PANX1: variants seen among roughly 807,000 people sequenced by gnomAD.
PANX1 encodes the protein pannexin-1.
Under a neutral mutation model 38.7 loss-of-function variants are expected in PANX1, and 30 were observed. The observed-to-expected ratio is 0.78, with a 90% confidence interval of 0.58 to 1.05. The LOEUF is 1.05. Among genes scored for constraint, PANX1 ranks in the 50% least tolerant of loss-of-function variants. The pLI, the probability that PANX1 is intolerant of heterozygous loss-of-function variation, is 0.00. For missense variants in PANX1, 551 were observed against 517.2 expected (o/e 1.07, Z -0.63); for synonymous variants, 230 against 212.2 (o/e 1.08, Z -0.73).
At chr11:94,130,019 T>A (rs1341537497) in intron 1 of PANX1, among the ~76,000 whole-genome samples, 3 of 152,220 alleles carry the variant, frequency 2.0e-5, no homozygotes, top group African/African-American at 7.2e-5. Context: ...TTGGCAGGCA[T>A]TAGAGGGATC....
chr11:94,139,370 C>T (rs960432233), intron 1 of PANX1, among the ~76,000 whole-genome samples: 1 of 152,200 alleles, frequency 6.6e-6, no homozygotes, highest in Admixed American at 6.5e-5. Flanking sequence ...TTAAAAGGCT[C>T]TTGAATTATA....
At position 94,178,561 on chromosome 11, in the gene PANX1, G is replaced by A. The variant is rs1299708596; in HGVS notation, c.514G>A (p.Val172Ile). The A allele has an allele frequency of 5.6e-6, 9 of 1,614,058 alleles. No homozygotes were observed. Among genetic ancestry groups the A allele is most frequent in the Non-Finnish European group, 7.6e-6 (9 of 1,179,930 alleles). ...DLDMRDGACSVPGVTENLGQS... is the reference protein window; with the variant it reads ...DLDMRDGACSIPGVTENLGQS... Reference sequence around the variant, plus strand: ...TGACATGAGAGATGGAGCCTGCTCAGTTCCAGGTGTTACCGAGAACTTAGG... The same window carrying A: ...TGACATGAGAGATGGAGCCTGCTCAATTCCAGGTGTTACCGAGAACTTAGG... The change falls in exon 3 of 5, where the codon GTT (valine) becomes ATT (isoleucine). Residue 172 changes from valine (V) to isoleucine (I), a missense_variant. Coordinates refer to ENST00000227638, the MANE Select transcript of PANX1 (RefSeq NM_015368.4).
intron 1 of PANX1, among the ~76,000 whole-genome samples, chr11:94,133,109 G>T (rs1946650369): frequency 6.6e-6 from 1 of 152,226 alleles, no homozygotes; most frequent in Non-Finnish European, 1.5e-5. Flanking sequence ...ATAGCAGCAG[G>T]CTGATCTTTA....
intron 2 of PANX1, among the ~76,000 whole-genome samples, chr11:94,163,312 G>A (rs1186636935): frequency 2.0e-5 from 3 of 152,202 alleles, no homozygotes; most frequent in African/African-American, 7.2e-5. Context: ...ATATCTTAGA[G>A]GAAAGGCTTT....
rs1946644237 is a variant in PANX1 at position 94,132,683 on chromosome 11, T to C, written c.181+3190T>C. On this transcript the variant is annotated intron_variant, in intron 1 of 4. Coordinates refer to ENST00000227638, the MANE Select transcript of PANX1 (RefSeq NM_015368.4). The stretch of plus-strand genomic sequence containing the variant: ...TCCTTTTTCCACCTGTATGATAAAC[T>C]AGTATATATAAGAATTCATCTCTTT... Among the ~76,000 whole-genome samples, 3 of 152,168 alleles carry C rather than the reference T, an allele frequency of 2.0e-5. No individual in the cohort carries two copies. The South Asian group carries it at 6.2e-4, about 32-fold the overall frequency.
At chr11:94,140,863 T>C (rs998710081) in intron 1 of PANX1, among the ~76,000 whole-genome samples, 1 of 152,234 alleles carries the variant, frequency 6.6e-6, no homozygotes, top group African/African-American at 2.4e-5. Flanking sequence ...AACATATTTT[T>C]ATGAAAAATA....
At position 94,129,276 on chromosome 11, in the gene PANX1, A is replaced by G; in HGVS notation, c.-37A>G. ...GCGCAGCTTTCCCGACGCCGGCTGTACCCGGACCTCCTGGTCGAGCCTGGC... is the reference window on the plus strand; with the variant it reads ...GCGCAGCTTTCCCGACGCCGGCTGTGCCCGGACCTCCTGGTCGAGCCTGGC... On this transcript the variant is annotated 5_prime_UTR_variant, in exon 1 of 5. Transcript: ENST00000227638. 1 of 1,573,668 alleles carries G rather than the reference A, an allele frequency of 6.4e-7. No homozygotes were observed. The highest frequency in any genetic ancestry group is 8.7e-7 in the Non-Finnish European group (1 of 1,151,982).
intron 1 of PANX1, among the ~76,000 whole-genome samples, chr11:94,148,087 A>AT (rs1236261722): frequency 6.6e-6 from 1 of 152,134 alleles, no homozygotes; most frequent in Non-Finnish European, 1.5e-5. Flanking sequence ...TTTCAATTCC[A>AT]TTTTTTAGTT....
intron 1 of PANX1, among the ~76,000 whole-genome samples, chr11:94,142,099 G>A (rs1372481763): frequency 6.6e-6 from 1 of 152,138 alleles, no homozygotes; most frequent in African/African-American, 2.4e-5. Flanking sequence ...CCTTCCTGTC[G>A]TGTGTCTGCG....
At chr11:94,171,957 G>A (rs4611169) in intron 2 of PANX1, among the ~76,000 whole-genome samples, 78,213 of 149,488 alleles carry the variant, frequency 0.52, 21,563 homozygotes, top group African/African-American at 0.66. Flanking sequence ...TTTAGAATGC[G>A]GGAGGCAACT....
At chr11:94,140,666 T>A (rs1402522515) in intron 1 of PANX1, among the ~76,000 whole-genome samples, 4 of 152,202 alleles carry the variant, frequency 2.6e-5, no homozygotes, top group African/African-American at 9.7e-5. Context: ...TTGTGCAGAA[T>A]GTGTTTCTCT....
At position 94,129,208 on chromosome 11, in the gene PANX1, A is replaced by G. The variant is rs1946595187; in HGVS notation, c.-105A>G. 2.1e-6 allele frequency: 2 copies of G among 948,764 alleles called. No homozygotes were observed. The highest frequency in any genetic ancestry group is 5.7e-5 in the East Asian group (2 of 35,124). 58.8% of individuals were successfully genotyped at this position (948,764 alleles called of 1,614,324 possible). On this transcript the variant is annotated 5_prime_UTR_variant, in exon 1 of 5. Coordinates refer to ENST00000227638, the MANE Select transcript of PANX1 (RefSeq NM_015368.4). ...CGGGATGCGGGAGCAGGCAAAGGGA[A>G]AGCGAAAGCCGCGCGCCCGGCCGGT...
intron 2 of PANX1, among the ~76,000 whole-genome samples, chr11:94,167,758 G>A (rs557478283): frequency 6.6e-6 from 1 of 152,302 alleles, no homozygotes; most frequent in Non-Finnish European, 1.5e-5. Context: ...TTGATTGAGG[G>A]CCTACCATAT....
intron 2 of PANX1, among the ~76,000 whole-genome samples, chr11:94,173,914 G>A (rs937610935): frequency 2.0e-5 from 3 of 151,700 alleles, no homozygotes; most frequent in Non-Finnish European, 4.4e-5. Context: ...TTGGAGGCCA[G>A]AAGTCCACAA....
intron 1 of PANX1, among the ~76,000 whole-genome samples, chr11:94,146,618 T>C (rs1591510135): frequency 6.6e-6 from 1 of 152,058 alleles, no homozygotes; most frequent in Non-Finnish European, 1.5e-5. Flanking sequence ...TTCCTCGGGA[T>C]TCCTGCCAGC....
intron 2 of PANX1, among the ~76,000 whole-genome samples, chr11:94,161,157 AT>A (rs1285042078): frequency 6.6e-6 from 1 of 151,802 alleles, no homozygotes; most frequent in Non-Finnish European, 1.5e-5. Context: ...TGCCCTTAAC[AT>A]TTTTTCCTTC....
At chr11:94,140,652 T>G (rs1946751610) in intron 1 of PANX1, among the ~76,000 whole-genome samples, 1 of 152,216 alleles carries the variant, frequency 6.6e-6, no homozygotes, top group Non-Finnish European at 1.5e-5. Flanking sequence ...TTGCATGTGC[T>G]TCTTTGTGCA....
At chr11:94,143,003 G>A (rs929090845) in intron 1 of PANX1, among the ~76,000 whole-genome samples, 1 of 152,218 alleles carries the variant, frequency 6.6e-6, no homozygotes, top group Non-Finnish European at 1.5e-5. Context: ...ATGAGTTTTT[G>A]TCTATTTAGA....
At position 94,172,699 on chromosome 11, in the gene PANX1, A is replaced by G. The variant is rs942918890; in HGVS notation, c.322-5670A>G. Among the ~76,000 whole-genome samples, 4 of 151,830 alleles carry G rather than the reference A, an allele frequency of 2.6e-5. No individual in the cohort carries two copies. The South Asian group carries it at 6.2e-4, about 24-fold the overall frequency. On this transcript the variant is annotated intron_variant, in intron 2 of 4. Transcript: ENST00000227638. ...CTCTGGCCCTTTACAAGAAAACCCT[A>G]TGGACCCTTAATCTGGAATACTCAA...
Sources: gnomAD v4.1 joint callset for allele counts (sites outside exome capture counted in the v4.1 genomes callset) on GRCh38, gnomAD v4.1.1 for gene constraint, MANE v1.5 for transcripts, NCBI Gene and HGNC (gene_info 2026-07-23, HGNC 2026-07-21) for gene names.